NAA35: variants seen among roughly 807,000 people sequenced by gnomAD.
NAA35 encodes the protein N-alpha-acetyltransferase 35, NatC auxiliary subunit.
NAA35 carries 18 observed loss-of-function variants against 101.7 expected under a neutral mutation model. That is an observed-to-expected ratio of 0.18 (90% CI 0.12 to 0.26). The LOEUF (loss-of-function observed/expected upper bound fraction) is 0.26. NAA35 is among the 10% of genes least tolerant of loss of function. The pLI is 1.00. For synonymous variants in NAA35, 267 were observed against 273.1 expected, an observed-to-expected ratio of 0.98 and a Z score of 0.22; for missense variants, 601 against 886.8, an observed-to-expected ratio of 0.68 and a Z score of 4.09.
Position 86,003,655 on chromosome 9 carries a change from C to T in NAA35, c.1116+11C>T, listed in dbSNP as rs1252290658. 7 of 1,532,898 alleles carry T rather than the reference C, an allele frequency of 4.6e-6. No individual in the cohort carries two copies. The highest frequency in any genetic ancestry group is 1.7e-5 in the Admixed American group (1 of 57,646). The allele number at this position is 1,532,898 out of a possible 1,614,324, so 95.0% of individuals were successfully genotyped here. A position where few individuals can be genotyped will look rare whatever the true frequency, so the allele number is the denominator to read the frequency against. On this transcript the variant is annotated intron_variant, in intron 13 of 22. Coordinates refer to ENST00000361671, the MANE Select transcript of NAA35 (RefSeq NM_024635.4). ...AGATCTCTGTTACAAGTAAGTTCCA[C>T]TTAGTATCAAAATACTTATTTAAAC...
At chr9:85,994,603 T>C (rs922712890) in intron 11 of NAA35, among the ~76,000 whole-genome samples, 1 of 152,188 alleles carries the variant, frequency 6.6e-6, no homozygotes, top group African/African-American at 2.4e-5. Flanking sequence ...CTGGAAAATA[T>C]GTTGAATAAA....
At chr9:85,998,706 T>C (rs1831284562) in intron 12 of NAA35, among the ~76,000 whole-genome samples, 1 of 152,182 alleles carries the variant, frequency 6.6e-6, no homozygotes, top group African/African-American at 2.4e-5. Context: ...TAGTAGCACA[T>C]GTAAGGTTAG....
chr9:86,019,729 G>A (rs1832428382), intron 21 of NAA35, among the ~76,000 whole-genome samples: 1 of 152,118 alleles, frequency 6.6e-6, no homozygotes. Context: ...GTATATCTTG[G>A]GACCGCTTCC....
intron 11 of NAA35, among the ~76,000 whole-genome samples, chr9:85,992,067 A>C (rs1338774214): frequency 1.3e-5 from 2 of 151,962 alleles, no homozygotes; most frequent in Admixed American, 1.3e-4. Flanking sequence ...CCAGCTACTC[A>C]GGAGGCTGAG....
chr9:85,943,542 C>G (rs1046825481), intron 2 of NAA35, among the ~76,000 whole-genome samples: 4 of 152,078 alleles, frequency 2.6e-5, no homozygotes, highest in Non-Finnish European at 5.9e-5. Context: ...ATGTGCCATC[C>G]TTTGTTTTGA....
chr9:85,974,842 C>T, intron 6 of NAA35, 125 bp from the exon 7 acceptor site: 1 of 659,964 alleles, frequency 1.5e-6, no homozygotes, highest in Non-Finnish European at 2.6e-6. Context: ...AGCAGGATGA[C>T]CTCCCATTTC....
rs554033821 is a variant in NAA35 at position 86,024,164 on chromosome 9, C to A, written c.*2204C>A. ...AGAAAAGCAACAGGTATTGAAAATG[C>A]AGTGAAGAATATGCTGTATGCTGGG... On this transcript the variant is annotated 3_prime_UTR_variant, in exon 23 of 23. Coordinates refer to ENST00000361671, the MANE Select transcript of NAA35 (RefSeq NM_024635.4). Among the ~76,000 whole-genome samples the A allele has an allele frequency of 5.3e-5, 8 of 152,306 alleles. No individual in the cohort carries two copies. The highest frequency in any genetic ancestry group is 1.0e-4 in the Non-Finnish European group (7 of 68,034).
At chr9:85,969,265 T>C (rs1237252322) in intron 6 of NAA35, among the ~76,000 whole-genome samples, 1 of 129,432 alleles carries the variant, frequency 7.7e-6, no homozygotes, top group African/African-American at 3.6e-5. Flanking sequence ...TGAGACCTGG[T>C]ATGTCAAAAA....
intron 17 of NAA35, among the ~76,000 whole-genome samples, chr9:86,014,156 T>G (rs995401428): frequency 2.6e-5 from 4 of 152,222 alleles, no homozygotes; most frequent in Non-Finnish European, 4.4e-5. Context: ...TGAAGATCAT[T>G]TATTTGCTCC....
At chr9:85,985,552 CAAAGT>C (rs1830612384) in intron 11 of NAA35, among the ~76,000 whole-genome samples, 1 of 152,080 alleles carries the variant, frequency 6.6e-6, no homozygotes, top group South Asian at 2.1e-4. Context: ...TCCATAGAGA[CAAAGT>C]AGATTAGTGG....
At chr9:85,950,302 A>G (rs1564285365) in intron 2 of NAA35, among the ~76,000 whole-genome samples, 1 of 152,138 alleles carries the variant, frequency 6.6e-6, no homozygotes, top group Non-Finnish European at 1.5e-5. Context: ...CTGGAGTGCC[A>G]TGGCACAATC....
intron 20 of NAA35, 66 bp from the exon 21 acceptor site, chr9:86,018,633 T>C: frequency 6.4e-7 from 1 of 1,554,330 alleles, no homozygotes; most frequent in South Asian, 1.2e-5. Context: ...CTTTAATAAT[T>C]AGAAATGGGA....
intron 2 of NAA35, among the ~76,000 whole-genome samples, chr9:85,951,231 T>C (rs556557538): frequency 2.0e-5 from 3 of 152,116 alleles, no homozygotes; most frequent in Non-Finnish European, 2.9e-5. Flanking sequence ...AAAAAAATAA[T>C]ATACAAAAGT....
chr9:85,966,435 G>T (rs1829745400), intron 6 of NAA35, among the ~76,000 whole-genome samples: 1 of 152,106 alleles, frequency 6.6e-6, no homozygotes, highest in African/African-American at 2.4e-5. Context: ...TGAATAAATG[G>T]GCAATAAAAT....
chr9:85,962,506 A>AAAAAG (rs1554770464), intron 6 of NAA35, among the ~76,000 whole-genome samples: 4 of 151,548 alleles, frequency 2.6e-5, no homozygotes, highest in Non-Finnish European at 4.4e-5. Context: ...AAAAAAAAAA[A>AAAAAG]AAAGAAAGAA....
chr9:86,000,798 A>C (rs753918446), intron 12 of NAA35, among the ~76,000 whole-genome samples: 22 of 151,822 alleles, frequency 1.4e-4, no homozygotes, highest in Non-Finnish European at 2.2e-4. Context: ...ATTTCTTCTT[A>C]GTCTAGCTGG....
rs1420857440 is a variant in NAA35, at chr9:86,024,394, A to G, written c.*2434A>G. Among the ~76,000 whole-genome samples, 1 of 152,184 alleles carries G rather than the reference A, an allele frequency of 6.6e-6. No individual in the cohort carries two copies. The highest frequency in any genetic ancestry group is 2.4e-5 in the African/African-American group (1 of 41,430). ...GATACCCAAAACCCTGGGAGGCCAC[A>G]GGTTAAAGATTTTGGACTTTATTCT... is the stretch of plus-strand genomic sequence containing the variant. On this transcript the variant is annotated 3_prime_UTR_variant, in exon 23 of 23. Coordinates refer to ENST00000361671, the MANE Select transcript of NAA35 (RefSeq NM_024635.4).
Position 86,013,984 on chromosome 9 carries a change from T to C in NAA35, c.1568+87T>C, listed in dbSNP as rs1587663800. On this transcript the variant is annotated intron_variant, in intron 17 of 22. Coordinates refer to ENST00000361671, the MANE Select transcript of NAA35 (RefSeq NM_024635.4). ...GAGTTAATTTCAGGGTACTTTTTCA[T>C]TTAGTATATTTTATCTTTAGTTGTG... is the stretch of plus-strand genomic sequence containing the variant. The C allele has an allele frequency of 4.7e-6, 5 of 1,074,474 alleles. 1 individual carries two copies. In the Admixed American group the frequency reaches 1.2e-4, roughly 27 times the overall value. The allele number at this position is 1,074,474 out of a possible 1,614,324, so 66.6% of individuals were successfully genotyped here. A position where few individuals can be genotyped will look rare whatever the true frequency, so the allele number is the denominator to read the frequency against.
Position 86,022,037 on chromosome 9 carries a change from C to T in NAA35, c.*77C>T, listed in dbSNP as rs1192050598. 1.8e-6 allele frequency: 2 copies of T among 1,087,978 alleles called. No individual in the cohort carries two copies. The highest frequency in any genetic ancestry group is 4.3e-5 in the Admixed American group (2 of 46,984). The allele number at this position is 1,087,978 out of a possible 1,614,324, so 67.4% of individuals were successfully genotyped here. ...CTCTTAGAGGGCACATCACCAGGCT[C>T]CACATCACGGGAAGTGAGATGGATT... On this transcript the variant is annotated 3_prime_UTR_variant, in exon 23 of 23. Transcript: ENST00000361671.
Sources: allele counts gnomAD v4.1 joint callset (sites outside exome capture counted in the v4.1 genomes callset), GRCh38; gene constraint gnomAD v4.1.1; transcripts MANE v1.5; gene names NCBI Gene and HGNC (gene_info 2026-07-23, HGNC 2026-07-21).